EPC1: variants seen among roughly 807,000 people sequenced by gnomAD.
EPC1 encodes the protein enhancer of polycomb homolog 1.
EPC1 carries 12 observed loss-of-function variants against 98.4 expected under a neutral mutation model. The observed-to-expected ratio is 0.12, with a 90% confidence interval of 0.08 to 0.20. The LOEUF is 0.20. EPC1 is among the 10% of genes least tolerant of loss of function. The pLI is 1.00. For synonymous variants in EPC1, 357 were observed against 363.9 expected (o/e 0.98, Z 0.21); for missense variants, 729 against 990.5 (o/e 0.74, Z 3.54).
At chr10:32,280,049 C>T (rs777403276) in intron 10 of EPC1, among the ~76,000 whole-genome samples, 21 of 151,996 alleles carry the variant, frequency 1.4e-4, no homozygotes, top group Non-Finnish European at 1.0e-4. Context: ...GCTCAGGCTA[C>T]ACAAATATGC....
intron 1 of EPC1, among the ~76,000 whole-genome samples, chr10:32,376,207 G>T (rs1002442439): frequency 3.9e-5 from 6 of 152,090 alleles, no homozygotes; most frequent in Admixed American, 3.9e-4. Context: ...AATAGTCAAT[G>T]ATGTAGGAGA....
intron 1 of EPC1, among the ~76,000 whole-genome samples, chr10:32,367,957 C>T (rs1003582136): frequency 6.6e-6 from 1 of 152,154 alleles, no homozygotes; most frequent in Non-Finnish European, 1.5e-5. Flanking sequence ...GTTACATAAG[C>T]GAATGTCTTC....
chr10:32,336,639 C>T (rs1317571132), intron 1 of EPC1, among the ~76,000 whole-genome samples: 1 of 152,164 alleles, frequency 6.6e-6, no homozygotes, highest in Non-Finnish European at 1.5e-5. Context: ...TGACCTCACT[C>T]ATACCTCATA....
intron 13 of EPC1, among the ~76,000 whole-genome samples, chr10:32,269,870 T>C (rs1034061316): frequency 2.6e-5 from 4 of 152,170 alleles, no homozygotes; most frequent in Non-Finnish European, 2.9e-5. Context: ...CCACAGTTCA[T>C]TGCTACAAAC....
intron 1 of EPC1, among the ~76,000 whole-genome samples, chr10:32,344,494 T>C (rs1838616222): frequency 6.6e-6 from 1 of 152,126 alleles, no homozygotes; most frequent in Admixed American, 6.5e-5. Context: ...CAGTATAAAA[T>C]GTCAAAATTG....
chr10:32,319,071 T>C (rs1439763253), intron 1 of EPC1, among the ~76,000 whole-genome samples: 2 of 152,240 alleles, frequency 1.3e-5, no homozygotes, highest in South Asian at 2.1e-4. Context: ...TACTGTTCCC[T>C]GCCTCTAACT....
intron 1 of EPC1, among the ~76,000 whole-genome samples, chr10:32,320,650 A>C (rs1301912572): frequency 6.6e-6 from 1 of 152,080 alleles, no homozygotes; most frequent in Admixed American, 6.5e-5. Flanking sequence ...GCTGGAGTGC[A>C]GTGGTGTGAT....
chr10:32,299,665 T>C (rs1835378957), intron 2 of EPC1, among the ~76,000 whole-genome samples: 1 of 152,306 alleles, frequency 6.6e-6, no homozygotes, highest in South Asian at 2.1e-4. Flanking sequence ...CAAAGTAAAC[T>C]TTTTAAGTCC....
intron 1 of EPC1, among the ~76,000 whole-genome samples, chr10:32,314,801 T>C (rs1836457081): frequency 1.3e-5 from 2 of 152,246 alleles, no homozygotes; most frequent in African/African-American, 2.4e-5. Context: ...GTTTTGCTAA[T>C]GTGTCATAAA....
intron 1 of EPC1, among the ~76,000 whole-genome samples, chr10:32,368,228 C>T (rs2490520): frequency 0.54 from 81,368 of 152,036 alleles, 23,717 homozygotes; most frequent in East Asian, 0.69. Context: ...TGAACTGGTG[C>T]TCTGTGGGCA....
exon 1 of EPC1, chr10:32,378,549 G>A: frequency 7.1e-7 from 1 of 1,400,112 alleles, no homozygotes; most frequent in Non-Finnish European, 9.8e-7. Context: ...AATATAGGCT[G>A]GATACTTGTG....
At chr10:32,271,034 T>C (rs1835817391) in intron 13 of EPC1, among the ~76,000 whole-genome samples, 1 of 151,438 alleles carries the variant, frequency 6.6e-6, no homozygotes, top group Non-Finnish European at 1.5e-5. Flanking sequence ...TAGCTCTTGT[T>C]GCCCTGGCCA....
intron 1 of EPC1, among the ~76,000 whole-genome samples, chr10:32,367,887 G>A (rs1839644229): frequency 6.6e-6 from 1 of 152,176 alleles, no homozygotes; most frequent in African/African-American, 2.4e-5. Context: ...TTTGGGAGAA[G>A]AATGCTAAGT....
chr10:32,347,206 G>A (rs752263845), upstream of EPC1: 1 of 1,231,316 alleles, frequency 8.1e-7, no homozygotes, highest in Non-Finnish European at 1.0e-6. Context: ...ATCGCGCAGC[G>A]GCGCGGGCAC....
At chr10:32,346,183 A>C (rs1388903929) in intron 1 of EPC1, among the ~76,000 whole-genome samples, 4 of 152,222 alleles carry the variant, frequency 2.6e-5, no homozygotes, top group Non-Finnish European at 5.9e-5. Flanking sequence ...ATAGAGCAGC[A>C]GGCGACATGA....
chr10:32,366,256 G>T (rs538799441), intron 1 of EPC1, among the ~76,000 whole-genome samples: 216 of 152,232 alleles, frequency 1.4e-3, no homozygotes, highest in African/African-American at 5.1e-3. Context: ...CCACCTCTGT[G>T]CAAAAGCATT....
chr10:32,287,426 G>A lies in EPC1; in HGVS notation c.976-152C>T, dbSNP rs909291315. On this transcript the variant is annotated intron_variant, in intron 6 of 13. Coordinates refer to ENST00000319778, the MANE Select transcript of EPC1 (RefSeq NM_001272004.3). ...ACTCTATGTTTGGCCATCTTATAGT[G>A]TAAAGTCTAGAGAAGTTGGCCTCCA... is the stretch of plus-strand genomic sequence containing the variant. The A allele has an allele frequency of 1.6e-5, 12 of 751,498 alleles. No individual in the cohort carries two copies. The Admixed American group carries it at 3.4e-4, about 21-fold the overall frequency. 46.6% of individuals were successfully genotyped at this position (751,498 alleles called of 1,614,324 possible). A position where few individuals can be genotyped will look rare whatever the true frequency, so the allele number is the denominator to read the frequency against.
intron 1 of EPC1, among the ~76,000 whole-genome samples, chr10:32,358,831 T>C (rs1839360076): frequency 6.6e-6 from 1 of 152,114 alleles, no homozygotes; most frequent in Non-Finnish European, 1.5e-5. Flanking sequence ...TTTCCAGATA[T>C]TAGTTTAGCA....
chr10:32,362,111 G>T (rs1391016050), intron 1 of EPC1, among the ~76,000 whole-genome samples: 1 of 152,178 alleles, frequency 6.6e-6, no homozygotes, highest in East Asian at 1.9e-4. Flanking sequence ...GCTGCTCTGT[G>T]TGTGGAGTAG....
Sources: gnomAD v4.1 joint callset for allele counts (sites outside exome capture counted in the v4.1 genomes callset) on GRCh38, gnomAD v4.1.1 for gene constraint, MANE v1.5 for transcripts, NCBI Gene and HGNC (gene_info 2026-07-23, HGNC 2026-07-21) for gene names.